ADRA1D: variants seen among roughly 807,000 people sequenced by gnomAD.
ADRA1D encodes alpha-1D adrenergic receptor.
ADRA1D carries 22 observed loss-of-function variants against 18.6 expected under a neutral mutation model. That is an observed-to-expected ratio of 1.19 (90% CI 0.85 to 1.69). ADRA1D has a LOEUF of 1.69. ADRA1D is among the 40% of genes most tolerant of loss of function. ADRA1D has a pLI of 0.00. For synonymous variants in ADRA1D, 376 were observed against 388.2 expected, an observed-to-expected ratio of 0.97 and a Z score of 0.37; for missense variants, 840 against 840.7, an observed-to-expected ratio of 1.00 and a Z score of 0.01.
intron 1 of ADRA1D, among the ~76,000 whole-genome samples, chr20:4,246,600 A>T (rs1033387457): frequency 1.3e-4 from 20 of 152,118 alleles, no homozygotes; most frequent in Admixed American, 1.2e-3. Context: ...CTCTCATTTG[A>T]GATCTCCATT....
At chr20:4,230,398 A>G (rs1477839428) in intron 1 of ADRA1D, among the ~76,000 whole-genome samples, 2 of 152,192 alleles carry the variant, frequency 1.3e-5, no homozygotes, top group African/African-American at 4.8e-5. Context: ...CCTCCTCTGT[A>G]TCCTACACAT....
At chr20:4,242,738 AG>A (rs1252905640) in intron 1 of ADRA1D, among the ~76,000 whole-genome samples, 1 of 151,972 alleles carries the variant, frequency 6.6e-6, no homozygotes, top group Non-Finnish European at 1.5e-5. Context: ...GGCTGCTTTG[AG>A]TGGATGGCAT....
intron 1 of ADRA1D, among the ~76,000 whole-genome samples, chr20:4,227,660 T>TTCCC (rs1568763274): frequency 2.6e-5 from 3 of 113,460 alleles, no homozygotes; most frequent in South Asian, 6.0e-4. Flanking sequence ...CTTTCCTTCC[T>TTCCC]TCCCTCCTTC....
chr20:4,249,068 C>G lies in ADRA1D; in HGVS notation c.-111G>C. Reference sequence around the variant, plus strand: ...CCAGATGCAGCTCCGCGCACGGGTCCCGTCGGGGTCCTGCCCAAGTTCCTG... The same window carrying G: ...CCAGATGCAGCTCCGCGCACGGGTCGCGTCGGGGTCCTGCCCAAGTTCCTG... On this transcript the variant is annotated 5_prime_UTR_variant, in exon 1 of 2. Coordinates refer to ENST00000379453, the MANE Select transcript of ADRA1D (RefSeq NM_000678.4). 7.1e-6 allele frequency: 6 copies of G among 846,720 alleles called. No individual in the cohort carries two copies. Among genetic ancestry groups the G allele is most frequent in the Non-Finnish European group, 8.8e-6 (6 of 681,706 alleles). The allele number at this position is 846,720 out of a possible 1,614,324, so 52.5% of individuals were successfully genotyped here. A position where few individuals can be genotyped will look rare whatever the true frequency, so the allele number is the denominator to read the frequency against.
intron 1 of ADRA1D, among the ~76,000 whole-genome samples, chr20:4,226,861 C>A (rs1175114901): frequency 3.9e-5 from 6 of 152,228 alleles, no homozygotes; most frequent in African/African-American, 1.4e-4. Context: ...TCTCAAGAGA[C>A]TTCTCCTGTT....
chr20:4,245,821 G>T (rs1056461235), intron 1 of ADRA1D, among the ~76,000 whole-genome samples: 12 of 152,108 alleles, frequency 7.9e-5, no homozygotes, highest in Non-Finnish European at 1.8e-4. Flanking sequence ...AAAGGGGCGG[G>T]CACCAACTTT....
Position 4,249,017 on chromosome 20 carries a change from G to T in ADRA1D, c.-60C>A. ...ACAGAACGAGCGGCCGGCAGGGAGG[G>T]GAGCACAGGGCATAGCCGCGGGGCT... On this transcript the variant is annotated 5_prime_UTR_variant, in exon 1 of 2. Coordinates refer to ENST00000379453, the MANE Select transcript of ADRA1D (RefSeq NM_000678.4). 1 of 1,200,474 alleles carries T rather than the reference G, an allele frequency of 8.3e-7. No homozygotes were observed. Among genetic ancestry groups the T allele is most frequent in the Non-Finnish European group, 1.1e-6 (1 of 949,852 alleles). 74.4% of individuals were successfully genotyped at this position (1,200,474 alleles called of 1,614,324 possible). A position where few individuals can be genotyped will look rare whatever the true frequency, so the allele number is the denominator to read the frequency against.
chr20:4,249,092 T>C lies in ADRA1D; in HGVS notation c.-135A>G. 1 of 709,582 alleles carries C rather than the reference T, an allele frequency of 1.4e-6. No individual in the cohort carries two copies. The highest frequency in any genetic ancestry group is 7.8e-5 in the East Asian group (1 of 12,742). The allele number at this position is 709,582 out of a possible 1,614,324, so 44.0% of individuals were successfully genotyped here. A position where few individuals can be genotyped will look rare whatever the true frequency, so the allele number is the denominator to read the frequency against. On this transcript the variant is annotated 5_prime_UTR_variant, in exon 1 of 2. Transcript: ENST00000379453. ...CCCGTCGGGGTCCTGCCCAAGTTCCTGTGACGCGGAGCGCGGCTGTCCGAG... is the reference window on the plus strand; with the variant it reads ...CCCGTCGGGGTCCTGCCCAAGTTCCCGTGACGCGGAGCGCGGCTGTCCGAG...
At chr20:4,246,728 T>C (rs547764526) in intron 1 of ADRA1D, among the ~76,000 whole-genome samples, 11 of 152,322 alleles carry the variant, frequency 7.2e-5, no homozygotes, top group Admixed American at 5.2e-4. Flanking sequence ...CACCCTCTCA[T>C]AGGTGATGAT....
In ADRA1D at chr20:4,248,879, C is replaced by G; in HGVS notation, c.79G>C (p.Gly27Arg). 3 of 1,129,076 alleles carry G rather than the reference C, an allele frequency of 2.7e-6. No homozygotes were observed. The highest frequency in any genetic ancestry group is 3.3e-6 in the Non-Finnish European group (3 of 922,358). 69.9% of individuals were successfully genotyped at this position (1,129,076 alleles called of 1,614,324 possible). The change falls in exon 1 of 2, where the codon GGC becomes CGC. Residue 27 changes from glycine (G) to arginine (R), a missense_variant. Coordinates refer to ENST00000379453, the MANE Select transcript of ADRA1D (RefSeq NM_000678.4). ...DSSAGGSSAG[G>R]GGGSAGGAAP... ...GCGCCGCCCGCGCTGCCCCCGCCGCCGCCCGCGCTGGAGCCCCCTGCGCTG... is the reference window on the plus strand; with the variant it reads ...GCGCCGCCCGCGCTGCCCCCGCCGCGGCCCGCGCTGGAGCCCCCTGCGCTG...
rs1372965565 is a variant in ADRA1D at position 4,239,803 on chromosome 20, G to C, written c.1111+8044C>G. 6.6e-6 allele frequency among the ~76,000 whole-genome samples: 1 copy of C among 152,218 alleles called. No homozygotes were observed. Among genetic ancestry groups the C allele is most frequent in the Non-Finnish European group, 1.5e-5 (1 of 68,044 alleles). ...ACTGACTCTTCCTCTGATAAATAAA[G>C]AGGAATATTGAACATCTTCCCTGCC... On this transcript the variant is annotated intron_variant, in intron 1 of 1. Transcript: ENST00000379453. This position sits in a 1 kb window ranked among gnomAD's most constrained non-coding sequence, Gnocchi z 4.9.
intron 1 of ADRA1D, among the ~76,000 whole-genome samples, chr20:4,237,723 A>G (rs1981126807): frequency 1.4e-5 from 2 of 146,884 alleles, no homozygotes; most frequent in South Asian, 4.3e-4. Flanking sequence ...CAATGGCTCC[A>G]TCTCGGCTCA....
intron 1 of ADRA1D, among the ~76,000 whole-genome samples, chr20:4,241,688 T>C (rs191072065): frequency 4.9e-4 from 75 of 152,300 alleles, no homozygotes; most frequent in Admixed American, 1.6e-3. Context: ...AAGCATCCCT[T>C]GCCTCTCCCC....
Position 4,221,734 on chromosome 20 carries a change from A to C in ADRA1D, c.1508T>G (p.Phe503Cys), listed in dbSNP as rs1231164798. 6.2e-7 allele frequency: 1 copy of C among 1,605,912 alleles called. No homozygotes were observed. Among genetic ancestry groups the C allele is most frequent in the South Asian group, 1.1e-5 (1 of 90,876 alleles). The change falls in exon 2 of 2, where the codon TTC (phenylalanine) becomes TGC (cysteine). Residue 503 changes from phenylalanine to cysteine, a missense_variant. By Grantham distance (205) the Phe-to-Cys change is radical. Transcript: ENST00000379453. ...GCGCAGCTGGGTCGTGGGTCTCCGGAACGGCCCCAGCAGCCTCCACTCGCG... is the reference window on the plus strand; with the variant it reads ...GCGCAGCTGGGTCGTGGGTCTCCGGCACGGCCCCAGCAGCCTCCACTCGCG... ...AFREWRLLGP[F>C]RRPTTQLRAK...
In ADRA1D at chr20:4,235,692, C is replaced by T. The variant is rs923904766; in HGVS notation, c.1111+12155G>A. 4.6e-5 allele frequency among the ~76,000 whole-genome samples: 7 copies of T among 152,242 alleles called. No homozygotes were observed. The South Asian group carries it at 1.0e-3, about 23-fold the overall frequency. ...GTTCCCAGGCAGTGACCATGCTGTCCGGGAGTCCCAGCACTGAGCCGCCTG... is the reference window on the plus strand; with the variant it reads ...GTTCCCAGGCAGTGACCATGCTGTCTGGGAGTCCCAGCACTGAGCCGCCTG... On this transcript the variant is annotated intron_variant, in intron 1 of 1. Coordinates refer to ENST00000379453, the MANE Select transcript of ADRA1D (RefSeq NM_000678.4).
chr20:4,247,231 G>GATA (rs2122680745), intron 1 of ADRA1D, among the ~76,000 whole-genome samples: 1 of 152,298 alleles, frequency 6.6e-6, no homozygotes, highest in South Asian at 2.1e-4. Flanking sequence ...CTTTCCATTT[G>GATA]ATAATTTATC....
intron 1 of ADRA1D, among the ~76,000 whole-genome samples, chr20:4,233,032 T>A (rs1446340933): frequency 6.6e-6 from 1 of 152,154 alleles, no homozygotes; most frequent in African/African-American, 2.4e-5. Flanking sequence ...CTGGGCACAG[T>A]GATGCATGTC....
Position 4,222,105 on chromosome 20 carries a change from T to C in ADRA1D, c.1137A>G (p.Pro379=), listed in dbSNP as rs1300030546. 3.1e-6 allele frequency: 5 copies of C among 1,612,542 alleles called. No individual in the cohort carries two copies. In the Admixed American group the frequency reaches 6.7e-5, roughly 22 times the overall value. Residue 379 remains proline, a synonymous_variant, in exon 2 of 2, where the codon CCA becomes CCG. Coordinates refer to ENST00000379453, the MANE Select transcript of ADRA1D (RefSeq NM_000678.4). This position sits in a 1 kb window ranked among gnomAD's most constrained non-coding sequence, Gnocchi z 4.3. The stretch of plus-strand genomic sequence containing the variant: ...AGATGACCTTGAAGACGCCCTCCGA[T>C]GGCTTCAGCTGCGGGAACAAGGAGC... ...PLGSLFPQLK[P]SEGVFKVIFW...
At chr20:4,227,755 C>CCTTT (rs1568763493) in intron 1 of ADRA1D, among the ~76,000 whole-genome samples, 34 of 136,342 alleles carry the variant, frequency 2.5e-4, no homozygotes, top group African/African-American at 8.8e-4. Context: ...TCCTTCTTCT[C>CCTTT]TCTCTCTCTT....
Sources: gnomAD v4.1 joint callset for allele counts (sites outside exome capture counted in the v4.1 genomes callset) on GRCh38, gnomAD v4.1.1 for gene constraint, Gnocchi (gnomAD v3.1) non-coding constraint, MANE v1.5 for transcripts, NCBI Gene and HGNC (gene_info 2026-07-23, HGNC 2026-07-21) for gene names.